Variants in CRTC3 observed in about 807,000 individuals in gnomAD.
CRTC3 encodes the protein CREB regulated transcription coactivator 3.
CRTC3 carries 26 observed loss-of-function variants against 74.5 expected under a neutral mutation model. The ratio of observed to expected loss-of-function variants is 0.35; its 90% CI spans 0.26 to 0.48. The LOEUF (loss-of-function observed/expected upper bound fraction) is 0.48, where lower values mean the gene tolerates loss of function less well. CRTC3 is among the 20% of genes least tolerant of loss of function. CRTC3 has a pLI of 0.99. For missense variants in CRTC3, 760 were observed against 787.3 expected (o/e 0.97, Z 0.41); for synonymous variants, 377 against 325.8 (o/e 1.16, Z -1.69).
At chr15:90,619,995 C>G in intron 9 of CRTC3, 1 of 558,062 alleles carries the variant, frequency 1.8e-6, no homozygotes, top group Admixed American at 3.4e-5. Context: ...ACTATAATAA[C>G]AAACAAAACT....
chr15:90,569,712 C>T lies in CRTC3; in HGVS notation c.232-23924C>T, dbSNP rs187348672. Among the ~76,000 whole-genome samples, 4 of 151,836 alleles carry T rather than the reference C, an allele frequency of 2.6e-5. No homozygotes were observed. The East Asian group carries it at 7.7e-4, about 29-fold the overall frequency. ...CCTCCCATCTTAGCTTCTGAAGTAGCTGGGATTGTAGGTTCACCCCGCCAT... is the reference window on the plus strand; with the variant it reads ...CCTCCCATCTTAGCTTCTGAAGTAGTTGGGATTGTAGGTTCACCCCGCCAT... On this transcript the variant is annotated intron_variant, in intron 2 of 14. Transcript: ENST00000268184.
chr15:90,615,063 A>AAATAAATAAAT (rs1567185454), intron 7 of CRTC3, among the ~76,000 whole-genome samples: 3 of 151,730 alleles, frequency 2.0e-5, no homozygotes, highest in African/African-American at 7.3e-5. Context: ...ACTCCGTCTA[A>AAATAAATAAAT]AAATAAATAA....
At chr15:90,628,826 T>C (rs746656621) in intron 10 of CRTC3, among the ~76,000 whole-genome samples, 4 of 151,110 alleles carry the variant, frequency 2.6e-5, no homozygotes, top group Non-Finnish European at 4.4e-5. Flanking sequence ...TCTCCAAAGG[T>C]AGCAGGGGAT....
intron 2 of CRTC3, among the ~76,000 whole-genome samples, chr15:90,574,134 C>T (rs1967343371): frequency 6.6e-6 from 1 of 152,148 alleles, no homozygotes; most frequent in African/African-American, 2.4e-5. Context: ...ATTTATTCAG[C>T]TAGTTCCCTA....
intron 9 of CRTC3, among the ~76,000 whole-genome samples, chr15:90,624,015 T>C (rs974581464): frequency 2.0e-5 from 3 of 152,174 alleles, no homozygotes; most frequent in African/African-American, 7.2e-5. Context: ...TCAGCTGGGC[T>C]TCCCTCCACA....
At chr15:90,544,432 T>A (rs571409713) in intron 2 of CRTC3, among the ~76,000 whole-genome samples, 2 of 152,224 alleles carry the variant, frequency 1.3e-5, no homozygotes, top group Admixed American at 6.5e-5. Flanking sequence ...CTTGAAGATA[T>A]CTCTTTTGGT....
chr15:90,623,787 G>C (rs1322293115), intron 9 of CRTC3, among the ~76,000 whole-genome samples: 3 of 152,106 alleles, frequency 2.0e-5, no homozygotes, highest in African/African-American at 7.2e-5. Context: ...CTCTCTACCT[G>C]CTTTTCCACT....
At chr15:90,547,875 T>C (rs1966847128) in intron 2 of CRTC3, among the ~76,000 whole-genome samples, 1 of 146,904 alleles carries the variant, frequency 6.8e-6, no homozygotes, top group Non-Finnish European at 1.5e-5. Context: ...GGTATAGTTG[T>C]AGCTTTTCGT....
intron 2 of CRTC3, among the ~76,000 whole-genome samples, chr15:90,568,718 AG>A: frequency 6.6e-6 from 1 of 152,300 alleles, no homozygotes; most frequent in Admixed American, 6.5e-5. Context: ...CTTTTGTGAA[AG>A]GAAGTTGATA....
In CRTC3 at chr15:90,557,029, A is replaced by G. The variant is rs1310988005; in HGVS notation, c.231+16892A>G. 3.6e-4 allele frequency among the ~76,000 whole-genome samples: 54 copies of G among 150,234 alleles called. 1 individual carries two copies. Among genetic ancestry groups the G allele is most frequent in the Admixed American group, 2.5e-3 (38 of 15,050 alleles). ...ATAATACAATATGAAAAATAAATAC[A>G]TTAATCAAATTATCAGACCGAGCTT... On this transcript the variant is annotated intron_variant, in intron 2 of 14. Coordinates refer to ENST00000268184, the MANE Select transcript of CRTC3 (RefSeq NM_022769.5).
chr15:90,629,564 G>C (rs1487013546), intron 11 of CRTC3, 32 bp downstream of exon 11: 2 of 1,605,920 alleles, frequency 1.2e-6, no homozygotes, highest in Non-Finnish European at 1.7e-6. Flanking sequence ...AACCACTACA[G>C]TGAAACAGAC....
chr15:90,536,651 G>C (rs890814470), intron 1 of CRTC3, among the ~76,000 whole-genome samples: 1 of 152,212 alleles, frequency 6.6e-6, no homozygotes, highest in Non-Finnish European at 1.5e-5. Flanking sequence ...ATGAGGCCTG[G>C]ATCTCATTTC....
chr15:90,634,835 TC>T, intron 11 of CRTC3: 1 of 1,532,014 alleles, frequency 6.5e-7, no homozygotes, highest in Non-Finnish European at 9.0e-7. Context: ...CAGAAAAATC[TC>T]AAGGAAAAGT....
chr15:90,587,952 C>A (rs1317558064), intron 2 of CRTC3, among the ~76,000 whole-genome samples: 1 of 150,018 alleles, frequency 6.7e-6, no homozygotes, highest in Non-Finnish European at 1.5e-5. Context: ...CTCCCTTGTT[C>A]TTCAAGAAAA....
At chr15:90,553,886 G>T (rs141678844) in intron 2 of CRTC3, among the ~76,000 whole-genome samples, 118 of 152,312 alleles carry the variant, frequency 7.7e-4, no homozygotes, top group African/African-American at 2.8e-3. Context: ...TACTTGAAAA[G>T]AAATACGACA....
chr15:90,544,066 A>G (rs1966839965), intron 2 of CRTC3, among the ~76,000 whole-genome samples: 2 of 152,154 alleles, frequency 1.3e-5, no homozygotes, highest in Admixed American at 1.3e-4. Context: ...AAAACAACAG[A>G]AATTTATTTT....
chr15:90,537,550 AT>A (rs975238086), intron 1 of CRTC3, among the ~76,000 whole-genome samples: 28 of 152,104 alleles, frequency 1.8e-4, no homozygotes, highest in African/African-American at 6.8e-4. Flanking sequence ...TGCCTGGCTA[AT>A]TTTTTTGTAC....
intron 10 of CRTC3, among the ~76,000 whole-genome samples, chr15:90,626,611 CTT>C (rs922457681): frequency 9.3e-4 from 124 of 133,344 alleles, no homozygotes; most frequent in African/African-American, 2.6e-3. Flanking sequence ...AAGCCTGACA[CTT>C]TTTTTTTTTT....
At chr15:90,531,161 G>T (rs1010918475) in intron 1 of CRTC3, among the ~76,000 whole-genome samples, 16 of 152,092 alleles carry the variant, frequency 1.1e-4, no homozygotes, top group Admixed American at 3.9e-4. Context: ...TTTGGCCAGC[G>T]CAGTGTTTGG....
Sources: gnomAD v4.1 joint callset for allele counts (sites outside exome capture counted in the v4.1 genomes callset) on GRCh38, gnomAD v4.1.1 for gene constraint, MANE v1.5 for transcripts, NCBI Gene and HGNC (gene_info 2026-07-23, HGNC 2026-07-21) for gene names.